SLC30A9: variants seen among roughly 807,000 people sequenced by gnomAD.
The protein encoded by SLC30A9 is proton-coupled zinc antiporter SLC30A9, mitochondrial.
SLC30A9 carries 58 observed loss-of-function variants against 87.5 expected under a neutral mutation model. The observed-to-expected ratio is 0.66, with a 90% CI of 0.54 to 0.82. SLC30A9 has a LOEUF of 0.82. SLC30A9 is among the 40% of genes least tolerant of loss of function. SLC30A9 has a pLI of 0.00. For missense variants in SLC30A9, 557 were observed against 679.1 expected, an observed-to-expected ratio of 0.82 and a Z score of 2.00; for synonymous variants, 234 against 233.0, an observed-to-expected ratio of 1.00 and a Z score of -0.04.
intron 8 of SLC30A9, among the ~76,000 whole-genome samples, chr4:42,042,712 C>T (rs371090412): frequency 4.1e-4 from 63 of 152,294 alleles, no homozygotes; most frequent in African/African-American, 1.4e-3. Context: ...CCCAGCACAG[C>T]GCTCGAGGTC....
Position 42,086,306 on chromosome 4 carries a change from C to A in SLC30A9, c.*180C>A. 1 of 407,284 alleles carries A rather than the reference C, an allele frequency of 2.5e-6. No individual in the cohort carries two copies. The highest frequency in any genetic ancestry group is 4.4e-6 in the Non-Finnish European group (1 of 225,186). 25.2% of individuals were successfully genotyped at this position (407,284 alleles called of 1,614,324 possible). A position where few individuals can be genotyped will look rare whatever the true frequency, so the allele number is the denominator to read the frequency against. On this transcript the variant is annotated 3_prime_UTR_variant, in exon 18 of 18. Coordinates refer to ENST00000264451, the MANE Select transcript of SLC30A9 (RefSeq NM_006345.4). ...GCAGGACACAGAACTAAAACTACTA[C>A]TTACATCTAACAGACACACTACAAG...
At chr4:42,007,383 TTAACAG>T (rs1715253500) in intron 2 of SLC30A9, among the ~76,000 whole-genome samples, 3 of 152,188 alleles carry the variant, frequency 2.0e-5, no homozygotes, top group Non-Finnish European at 2.9e-5. Flanking sequence ...ATGGAAGGTC[TTAACAG>T]ATGATGCAGT....
At chr4:42,015,408 A>G (rs1271301878) in intron 2 of SLC30A9, among the ~76,000 whole-genome samples, 1 of 152,176 alleles carries the variant, frequency 6.6e-6, no homozygotes, top group Non-Finnish European at 1.5e-5. Flanking sequence ...AGAAAACAAG[A>G]TGGTAAACTG....
At chr4:42,046,356 C>A (rs1717152189) in intron 8 of SLC30A9, among the ~76,000 whole-genome samples, 1 of 152,214 alleles carries the variant, frequency 6.6e-6, no homozygotes, top group African/African-American at 2.4e-5. Context: ...AGCCCAAAAT[C>A]TCCTTAAGCT....
intron 15 of SLC30A9, among the ~76,000 whole-genome samples, chr4:42,072,284 C>A (rs1718342862): frequency 6.6e-6 from 1 of 151,848 alleles, no homozygotes; most frequent in Non-Finnish European, 1.5e-5. Context: ...CTCCTTTAAT[C>A]TTTATTATTT....
Position 41,990,745 on chromosome 4 carries a change from C to A in SLC30A9, c.94C>A (p.Pro32Thr). The change falls in exon 1 of 18, where the codon CCC (proline) becomes ACC (threonine). Residue 32 changes from proline to threonine, a missense_variant. Pro to Thr is a conservative substitution (Grantham distance 38). This residue lies in a region of SLC30A9 where 467 missense variants were observed against 529.8 expected (regional missense o/e 0.88). Coordinates refer to ENST00000264451, the MANE Select transcript of SLC30A9 (RefSeq NM_006345.4). ...RLRCRAAACN[P>T]SDRQEWQNLV... ...GCGATGCAGGGCGGCGGCCTGTAAT[C>A]CCAGCGACCGCCAGGGTGAGTGTCC... 14 of 1,610,448 alleles carry A rather than the reference C, an allele frequency of 8.7e-6. No individual in the cohort carries two copies. The highest frequency in any genetic ancestry group is 1.2e-5 in the Non-Finnish European group (14 of 1,178,654).
At chr4:42,074,335 G>A (rs1718436528) in intron 15 of SLC30A9, among the ~76,000 whole-genome samples, 1 of 152,204 alleles carries the variant, frequency 6.6e-6, no homozygotes, top group Non-Finnish European at 1.5e-5. Flanking sequence ...TCTTACGTAG[G>A]CTTGTTTTTC....
At chr4:42,051,249 A>G (rs901806089) in intron 9 of SLC30A9, among the ~76,000 whole-genome samples, 3 of 152,210 alleles carry the variant, frequency 2.0e-5, no homozygotes, top group African/African-American at 4.8e-5. Context: ...ATCTTCCTAA[A>G]AGTTCTAAAG....
At chr4:42,049,077 C>T (rs975743026) in intron 8 of SLC30A9, among the ~76,000 whole-genome samples, 1 of 152,158 alleles carries the variant, frequency 6.6e-6, no homozygotes, top group Non-Finnish European at 1.5e-5. Context: ...ATCTTCCCAC[C>T]TCAGCCTCTC....
At chr4:42,030,581 CTTTTT>C (rs766917053) in intron 6 of SLC30A9, among the ~76,000 whole-genome samples, 86,531 of 139,070 alleles carry the variant, frequency 0.62, 30,853 homozygotes, top group East Asian at 0.94. Context: ...CTGGCATGGT[CTTTTT>C]TTTTTTTTTT....
chr4:41,998,234 T>C (rs200140233), intron 1 of SLC30A9, among the ~76,000 whole-genome samples: 1 of 152,176 alleles, frequency 6.6e-6, no homozygotes, highest in African/African-American at 2.4e-5. Context: ...AGTGTGGCTG[T>C]TCTGAGTAGA....
intron 1 of SLC30A9, among the ~76,000 whole-genome samples, chr4:41,998,621 G>A (rs1051696207): frequency 2.0e-5 from 3 of 151,982 alleles, no homozygotes; most frequent in East Asian, 3.9e-4. Context: ...CCACCGCCAC[G>A]TCTGGCTGAT....
intron 2 of SLC30A9, among the ~76,000 whole-genome samples, chr4:42,014,230 A>G (rs1715594471): frequency 6.6e-6 from 1 of 152,214 alleles, no homozygotes; most frequent in Non-Finnish European, 1.5e-5. Flanking sequence ...GACAGGCAAT[A>G]ACAAATGCTA....
chr4:42,060,153 G>C, intron 9 of SLC30A9, 38 bp from the exon 10 acceptor site: 1 of 1,522,916 alleles, frequency 6.6e-7, no homozygotes, highest in Non-Finnish European at 9.1e-7. Flanking sequence ...TCTCCATCTT[G>C]CTAATGATTA....
In SLC30A9 at chr4:42,075,665, A is replaced by G. The variant is rs1275545730; in HGVS notation, c.1427A>G (p.His476Arg). 6.2e-7 allele frequency: 1 copy of G among 1,613,428 alleles called. No individual in the cohort carries two copies. The highest frequency in any genetic ancestry group is 2.2e-5 in the East Asian group (1 of 44,768). Residue 476 changes from histidine (H) to arginine (R), a missense_variant, in exon 16 of 18, where the codon CAT (histidine) becomes CGT (arginine). Physicochemically the swap from His to Arg is conservative, Grantham distance 29. Coordinates refer to ENST00000264451, the MANE Select transcript of SLC30A9 (RefSeq NM_006345.4). ...LENDPSVRAI[H>R]DVKATDLGLG... is the part of the protein sequence containing the mutation. Reference sequence around the variant, plus strand: ...ATTGTTATTGATTGCAGGGCAATTCATGATGTTAAAGCCACAGATCTGGGA... The same window carrying G: ...ATTGTTATTGATTGCAGGGCAATTCGTGATGTTAAAGCCACAGATCTGGGA...
chr4:42,028,686 T>C, intron 6 of SLC30A9, among the ~76,000 whole-genome samples: 1 of 152,230 alleles, frequency 6.6e-6, no homozygotes, highest in Non-Finnish European at 1.5e-5. Flanking sequence ...TAGTATCACC[T>C]TTGAACTTGT....
At chr4:42,083,416 A>C (rs1187081412) in intron 17 of SLC30A9, among the ~76,000 whole-genome samples, 4 of 152,216 alleles carry the variant, frequency 2.6e-5, no homozygotes, top group African/African-American at 9.6e-5. Flanking sequence ...AGTTCTGTTC[A>C]ATAAATATTA....
chr4:41,992,528 CAG>C (rs1714497459), intron 1 of SLC30A9, among the ~76,000 whole-genome samples: 1 of 152,026 alleles, frequency 6.6e-6, no homozygotes, highest in Non-Finnish European at 1.5e-5. Flanking sequence ...GGAGAAGAAA[CAG>C]TGTAATTTGT....
intron 14 of SLC30A9, among the ~76,000 whole-genome samples, chr4:42,069,206 T>A (rs1407334186): frequency 1.3e-5 from 2 of 152,220 alleles, no homozygotes; most frequent in African/African-American, 4.8e-5. Flanking sequence ...CAACTTTGAA[T>A]AATTTATTTT....
Sources: allele counts gnomAD v4.1 joint callset (sites outside exome capture counted in the v4.1 genomes callset), GRCh38; gene constraint gnomAD v4.1.1; regional missense constraint gnomAD v4.1.1; transcripts MANE v1.5; gene names NCBI Gene and HGNC (gene_info 2026-07-23, HGNC 2026-07-21).